Variants in KIRREL3 observed in about 807,000 individuals in gnomAD.
KIRREL3 encodes kin of IRRE-like protein 3.
In KIRREL3, 36 loss-of-function variants were observed where a neutral mutation model predicts 89.7. The ratio of observed to expected loss-of-function variants is 0.40; its 90% CI spans 0.31 to 0.53. The LOEUF (loss-of-function observed/expected upper bound fraction) is 0.53, where lower values mean the gene tolerates loss of function less well. Among genes scored for constraint, KIRREL3 ranks in the 20% least tolerant of loss-of-function variants. The probability of loss-of-function intolerance (pLI) is 0.49; values close to 1 mark genes in which losing one functional copy is unlikely to be tolerated. For synonymous variants in KIRREL3, 445 were observed against 441.4 expected (o/e 1.01, Z -0.10); for missense variants, 864 against 1,056.6 (o/e 0.82, Z 2.53).
In KIRREL3 at chr11:126,608,170, G is replaced by T. The variant is rs1270395118; in HGVS notation, c.56-45258C>A. Among the ~76,000 whole-genome samples, 1 of 152,162 alleles carries T rather than the reference G, an allele frequency of 6.6e-6. No homozygotes were observed. The highest frequency in any genetic ancestry group is 2.4e-5 in the African/African-American group (1 of 41,442). On this transcript the variant is annotated intron_variant, in intron 1 of 16. Transcript: ENST00000525144. The surrounding 1 kb of genome is among the most constrained non-coding windows in gnomAD (Gnocchi z 4.9). ...ATTCCAGGAATGCAGCTGGAGGTGG[G>T]GGCGGGCCATGGTGGGCCAGGACAG... is the stretch of plus-strand genomic sequence containing the variant.
intron 1 of KIRREL3, among the ~76,000 whole-genome samples, chr11:126,675,487 G>A (rs1372694324): frequency 2.0e-5 from 3 of 152,232 alleles, no homozygotes; most frequent in Non-Finnish European, 2.9e-5. Flanking sequence ...AGGTAGTAGG[G>A]AGTGAAGTTT....
At chr11:126,469,081 C>T (rs1197303375) in intron 5 of KIRREL3, among the ~76,000 whole-genome samples, 1 of 152,240 alleles carries the variant, frequency 6.6e-6, no homozygotes, top group African/African-American at 2.4e-5. Context: ...CAACTCCTCA[C>T]AAGCACCCCT....
intron 1 of KIRREL3, among the ~76,000 whole-genome samples, chr11:126,691,342 T>C (rs1333384558): frequency 6.6e-6 from 1 of 152,214 alleles, no homozygotes; most frequent in Non-Finnish European, 1.5e-5. Flanking sequence ...AGAACGGTCA[T>C]TTCAGCACTA....
At chr11:126,714,862 G>T (rs372665720) in intron 1 of KIRREL3, among the ~76,000 whole-genome samples, 6 of 152,190 alleles carry the variant, frequency 3.9e-5, no homozygotes, top group Non-Finnish European at 8.8e-5. Context: ...TGCCTGAGGT[G>T]GGGGCTTATG....
chr11:126,625,471 C>T (rs1943743997), intron 1 of KIRREL3, among the ~76,000 whole-genome samples: 1 of 152,174 alleles, frequency 6.6e-6, no homozygotes, highest in African/African-American at 2.4e-5. Flanking sequence ...ATCTTTCCTA[C>T]ACTCCAATTC....
At chr11:126,648,710 G>T (rs2134962744) in intron 1 of KIRREL3, among the ~76,000 whole-genome samples, 1 of 152,326 alleles carries the variant, frequency 6.6e-6, no homozygotes, top group East Asian at 1.9e-4. Flanking sequence ...ATGAGTGCAT[G>T]TAATAAATAG....
Position 126,669,149 on chromosome 11 carries a change from G to A in KIRREL3, c.56-106237C>T, listed in dbSNP as rs373915852. Among the ~76,000 whole-genome samples the A allele has an allele frequency of 2.6e-5, 4 of 152,018 alleles. No individual in the cohort carries two copies. The highest frequency in any genetic ancestry group is 9.7e-5 in the African/African-American group (4 of 41,386). ...TGTTTTGTTTTTGCTTTGGTTTTTT[G>A]CTTCTCTGGGGTATGGGTCTTCATC... On this transcript the variant is annotated intron_variant, in intron 1 of 16. Coordinates refer to ENST00000525144, the MANE Select transcript of KIRREL3 (RefSeq NM_032531.4). The surrounding 1 kb of genome is among the most constrained non-coding windows in gnomAD (Gnocchi z 5.0).
At chr11:126,737,686 G>A (rs1054515687) in intron 1 of KIRREL3, among the ~76,000 whole-genome samples, 3 of 152,144 alleles carry the variant, frequency 2.0e-5, no homozygotes, top group Non-Finnish European at 2.9e-5. Flanking sequence ...TTTAGACACA[G>A]TGAGCTAGAG....
At chr11:126,447,332 C>T (rs567380642) in intron 8 of KIRREL3, among the ~76,000 whole-genome samples, 3 of 152,304 alleles carry the variant, frequency 2.0e-5, no homozygotes, top group African/African-American at 7.2e-5. Flanking sequence ...CATGCCTCTG[C>T]CTTCAAGCTA....
chr11:126,785,160 G>A (rs1467334487), intron 1 of KIRREL3, among the ~76,000 whole-genome samples: 1 of 152,184 alleles, frequency 6.6e-6, no homozygotes, highest in Non-Finnish European at 1.5e-5. Context: ...GGCCGGGAGA[G>A]TGATGGAAAG....
chr11:126,484,902 G>T lies in KIRREL3; in HGVS notation c.434-11436C>A, dbSNP rs1246318948. Among the ~76,000 whole-genome samples the T allele has an allele frequency of 6.6e-6, 1 of 150,566 alleles. No individual in the cohort carries two copies. Among genetic ancestry groups the T allele is most frequent in the Admixed American group, 6.7e-5 (1 of 15,020 alleles). ...ACAATGTAGGCTCACTGCAGCCTCC[G>T]CCTCCCAGGTTCAAGCGATTCTCCT... On this transcript the variant is annotated intron_variant, in intron 4 of 16. Coordinates refer to ENST00000525144, the MANE Select transcript of KIRREL3 (RefSeq NM_032531.4). The surrounding 1 kb of genome is among the most constrained non-coding windows in gnomAD (Gnocchi z 5.2).
chr11:126,674,386 T>C (rs1037013337), intron 1 of KIRREL3, among the ~76,000 whole-genome samples: 1 of 152,218 alleles, frequency 6.6e-6, no homozygotes, highest in Admixed American at 6.5e-5. Context: ...CCTGATTTCA[T>C]ACTAAGACAT....
intron 4 of KIRREL3, among the ~76,000 whole-genome samples, chr11:126,500,772 CAG>C (rs915453181): frequency 1.5e-4 from 22 of 150,128 alleles, no homozygotes; most frequent in African/African-American, 5.4e-4. Flanking sequence ...AAAAGAAAAA[CAG>C]TATATATTTT....
intron 2 of KIRREL3, among the ~76,000 whole-genome samples, chr11:126,554,469 A>G (rs1334692663): frequency 6.6e-6 from 1 of 152,166 alleles, no homozygotes; most frequent in Non-Finnish European, 1.5e-5. Context: ...TGGATGAATC[A>G]CATCCCTTTC....
intron 1 of KIRREL3, among the ~76,000 whole-genome samples, chr11:126,809,754 T>C (rs954244378): frequency 3.3e-5 from 5 of 151,862 alleles, no homozygotes; most frequent in Non-Finnish European, 5.9e-5. Flanking sequence ...AGAGAAGAGA[T>C]TTGCCCTCTC....
chr11:126,482,140 G>A (rs1394919898), intron 4 of KIRREL3, among the ~76,000 whole-genome samples: 4 of 152,174 alleles, frequency 2.6e-5, no homozygotes, highest in Admixed American at 6.5e-5. Flanking sequence ...CTGGGTTCAA[G>A]TGATTCTCCT....
chr11:126,455,618 CT>C lies in KIRREL3; in HGVS notation c.848+730del. 7.2e-6 allele frequency among the ~76,000 whole-genome samples: 1 copy of C among 138,932 alleles called. No individual in the cohort carries two copies. The highest frequency in any genetic ancestry group is 2.4e-4 in the East Asian group (1 of 4,238). The allele number at this position is 138,932 out of a possible 152,430, so 91.1% of individuals were successfully genotyped here. A position where few individuals can be genotyped will look rare whatever the true frequency, so the allele number is the denominator to read the frequency against. The stretch of plus-strand genomic sequence containing the variant: ...CCTGGCTAACACGGTGAAACGCTGT[CT>C]CTACTAAAAATACAAAAAAAAAAAA... On this transcript the variant is annotated intron_variant, in intron 7 of 16. Transcript: ENST00000525144. The surrounding 1 kb of genome is among the most constrained non-coding windows in gnomAD (Gnocchi z 6.4).
chr11:126,732,523 C>T (rs1448670683), intron 1 of KIRREL3, among the ~76,000 whole-genome samples: 1 of 152,208 alleles, frequency 6.6e-6, no homozygotes, highest in Non-Finnish European at 1.5e-5. Context: ...TAGGACTAAA[C>T]AGCTCATAAC....
chr11:126,737,635 C>A (rs187567617), intron 1 of KIRREL3, among the ~76,000 whole-genome samples: 2 of 152,306 alleles, frequency 1.3e-5, no homozygotes, highest in East Asian at 3.9e-4. Context: ...TACATGCCTG[C>A]CTCTTCCCCA....
Sources: gnomAD v4.1 joint callset for allele counts (sites outside exome capture counted in the v4.1 genomes callset) on GRCh38, gnomAD v4.1.1 for gene constraint, Gnocchi (gnomAD v3.1) non-coding constraint, MANE v1.5 for transcripts, NCBI Gene and HGNC (gene_info 2026-07-23, HGNC 2026-07-21) for gene names.